Variants in INPP4B observed in about 807,000 individuals in gnomAD.
INPP4B encodes the protein inositol polyphosphate-4-phosphatase type II B.
INPP4B carries 55 observed loss-of-function variants against 122.5 expected under a neutral mutation model. The ratio of observed to expected loss-of-function variants is 0.45; its 90% CI spans 0.36 to 0.56. The LOEUF (loss-of-function observed/expected upper bound fraction) is 0.56. INPP4B is among the 20% of genes least tolerant of loss of function. The pLI, the probability that INPP4B is intolerant of heterozygous loss-of-function variation, is 0.00. For synonymous variants in INPP4B, 403 were observed against 388.7 expected, an observed-to-expected ratio of 1.04 and a Z score of -0.43; for missense variants, 1,000 against 1,097.7, an observed-to-expected ratio of 0.91 and a Z score of 1.26.
At chr4:142,056,334 G>C (rs886583248) in intron 25 of INPP4B, among the ~76,000 whole-genome samples, 1 of 152,116 alleles carries the variant, frequency 6.6e-6, no homozygotes, top group Non-Finnish European at 1.5e-5. Flanking sequence ...AGAGAGGCTT[G>C]AACTCTCTAA....
At chr4:142,806,778 A>AGAAGGAAG (rs1554013543) in intron 1 of INPP4B, among the ~76,000 whole-genome samples, 7 of 77,876 alleles carry the variant, frequency 9.0e-5, no homozygotes, top group East Asian at 3.1e-4. Flanking sequence ...AAAGAAAGAA[A>AGAAGGAAG]GAAAGAAGGA....
intron 1 of INPP4B, among the ~76,000 whole-genome samples, chr4:142,844,671 C>T (rs141227803): frequency 2.0e-5 from 3 of 152,348 alleles, no homozygotes; most frequent in African/African-American, 7.2e-5. Flanking sequence ...ACAATGCCCA[C>T]TTGCCCAGTC....
At chr4:142,052,193 A>C (rs7695279) in intron 25 of INPP4B, among the ~76,000 whole-genome samples, 5,656 of 152,040 alleles carry the variant, frequency 0.037, 179 homozygotes, top group African/African-American at 0.082. Flanking sequence ...AAATTGTCCA[A>C]ATATTTATAC....
At chr4:142,551,460 CA>C (rs1193405277) in intron 2 of INPP4B, among the ~76,000 whole-genome samples, 1 of 152,130 alleles carries the variant, frequency 6.6e-6, no homozygotes, top group African/African-American at 2.4e-5. Context: ...ACCTGGGTCT[CA>C]AGGTGTAAAA....
chr4:142,692,832 G>A (rs189788251), intron 2 of INPP4B, among the ~76,000 whole-genome samples: 1 of 151,836 alleles, frequency 6.6e-6, no homozygotes, highest in East Asian at 2.0e-4. Context: ...GCAAATTCTG[G>A]TAATAAGAGG....
At chr4:142,763,718 G>A (rs1771675508) in intron 1 of INPP4B, among the ~76,000 whole-genome samples, 1 of 152,066 alleles carries the variant, frequency 6.6e-6, no homozygotes, top group African/African-American at 2.4e-5. Flanking sequence ...TACTACCAAA[G>A]TAAAAGTGAT....
At position 142,187,609 on chromosome 4, in the gene INPP4B, T is replaced by G. The variant is rs183472791; in HGVS notation, c.1181+5478A>C. 3.1e-3 allele frequency among the ~76,000 whole-genome samples: 470 copies of G among 152,106 alleles called. 3 individuals carry two copies. The highest frequency in any genetic ancestry group is 0.01 in the African/African-American group (431 of 41,492). ...CACACACAGACACACATTTTTTTTT[T>G]GAGACAGGGCCTCCCTCTGTCACCT... On this transcript the variant is annotated intron_variant, in intron 15 of 25. Transcript: ENST00000262992.
intron 16 of INPP4B, 39 bp downstream of exon 16, chr4:142,173,593 A>G: frequency 6.5e-7 from 1 of 1,541,988 alleles, no homozygotes; most frequent in Non-Finnish European, 8.9e-7. Context: ...GAATTTGAGT[A>G]TTTCATTTTC....
chr4:142,735,180 A>T (rs187745643), intron 1 of INPP4B, among the ~76,000 whole-genome samples: 1 of 152,286 alleles, frequency 6.6e-6, no homozygotes, highest in East Asian at 1.9e-4. Flanking sequence ...AATTTAGCAT[A>T]GAATATATGT....
At chr4:142,247,236 G>T (rs1393356781) in intron 11 of INPP4B, among the ~76,000 whole-genome samples, 1 of 152,132 alleles carries the variant, frequency 6.6e-6, no homozygotes, top group African/African-American at 2.4e-5. Flanking sequence ...ATTCATCAGG[G>T]ATATTGGCCT....
chr4:142,383,960 AC>A, intron 7 of INPP4B: 1 of 624,422 alleles, frequency 1.6e-6, no homozygotes, highest in South Asian at 1.9e-5. Flanking sequence ...TCATTAAGTT[AC>A]CATCGTGCAG....
intron 2 of INPP4B, among the ~76,000 whole-genome samples, chr4:142,663,174 T>C (rs919491873): frequency 2.6e-5 from 4 of 152,176 alleles, no homozygotes; most frequent in African/African-American, 9.7e-5. Context: ...AGATCAGAAG[T>C]AGTCAGGCGA....
intron 25 of INPP4B, among the ~76,000 whole-genome samples, chr4:142,038,420 C>T (rs1280041859): frequency 6.6e-6 from 1 of 152,170 alleles, no homozygotes; most frequent in Non-Finnish European, 1.5e-5. Context: ...GCCAGTGTCA[C>T]TGCTTTGAAC....
chr4:142,132,469 A>T (rs550477309), intron 18 of INPP4B, among the ~76,000 whole-genome samples: 4 of 152,218 alleles, frequency 2.6e-5, no homozygotes, highest in African/African-American at 9.6e-5. Flanking sequence ...ATTTTTTTTT[A>T]CCACATATCA....
intron 14 of INPP4B, among the ~76,000 whole-genome samples, chr4:142,207,775 A>C (rs761395136): frequency 6.6e-6 from 1 of 152,180 alleles, no homozygotes; most frequent in Non-Finnish European, 1.5e-5. Flanking sequence ...GTTCATGAAA[A>C]AGCGAGATGA....
At chr4:142,258,427 T>C (rs1258148042) in intron 11 of INPP4B, among the ~76,000 whole-genome samples, 1 of 151,870 alleles carries the variant, frequency 6.6e-6, no homozygotes, top group Admixed American at 6.6e-5. Context: ...ACCTACAAAA[T>C]GGGAGAAAAT....
intron 2 of INPP4B, among the ~76,000 whole-genome samples, chr4:142,705,252 C>A (rs1460542335): frequency 2.6e-5 from 4 of 152,108 alleles, no homozygotes; most frequent in African/African-American, 9.7e-5. Context: ...CAATCCAGAT[C>A]GTGCTTCTCC....
At chr4:142,749,442 A>G (rs1410630067) in intron 1 of INPP4B, among the ~76,000 whole-genome samples, 1 of 150,786 alleles carries the variant, frequency 6.6e-6, no homozygotes, top group African/African-American at 2.4e-5. Context: ...CAAACTTACA[A>G]AGGCATACTG....
At chr4:142,038,884 C>T (rs1578688234) in intron 25 of INPP4B, among the ~76,000 whole-genome samples, 1 of 152,074 alleles carries the variant, frequency 6.6e-6, no homozygotes, top group African/African-American at 2.4e-5. Flanking sequence ...TGCAAGCAGT[C>T]GTACTGGTTG....
Sources: allele counts gnomAD v4.1 joint callset (sites outside exome capture counted in the v4.1 genomes callset), GRCh38; gene constraint gnomAD v4.1.1; transcripts MANE v1.5; gene names NCBI Gene and HGNC (gene_info 2026-07-23, HGNC 2026-07-21).